Variants in CDK11B observed in about 807,000 individuals in gnomAD.
CDK11B encodes cyclin-dependent kinase 11B.
In CDK11B, 37 loss-of-function variants were observed where a neutral mutation model predicts 84.0. The ratio of observed to expected loss-of-function variants is 0.44; its 90% CI spans 0.34 to 0.58. CDK11B has a LOEUF of 0.58. CDK11B is among the 20% of genes least tolerant of loss of function. CDK11B has a pLI of 0.02. For missense variants in CDK11B, 427 were observed against 834.0 expected (o/e 0.51, Z 6.01); for synonymous variants, 269 against 309.8 (o/e 0.87, Z 1.38).
Position 1,649,624 on chromosome 1 carries a change from T to G in CDK11B, c.369A>C (p.Arg123Ser). 6.2e-7 allele frequency: 1 copy of G among 1,610,722 alleles called. No homozygotes were observed. The highest frequency in any genetic ancestry group is 1.7e-5 in the Admixed American group (1 of 59,996). Residue 123 changes from arginine (R) to serine (S), a missense_variant, in exon 5 of 20, where the codon AGA (arginine) becomes AGC (serine). Coordinates refer to ENST00000341832, the MANE Select transcript of CDK11B (RefSeq NM_033486.3). ...CGTGCTCTCTTTCTTTTTCTTTCAC[T>G]CTAGCATGCTTCCCTAATGAGAAAT... ...SHSAEGGKHA[R>S]VKEKEREHER...
intron 2 of CDK11B, among the ~76,000 whole-genome samples, 161 bp from the exon 3 acceptor site, chr1:1,655,645 C>G (rs773301629): frequency 6.6e-5 from 10 of 152,016 alleles, no homozygotes; most frequent in African/African-American, 2.4e-4. Flanking sequence ...AACTTTTGGC[C>G]GGGTGTGGTG....
chr1:1,654,601 C>T (rs1411471959), intron 3 of CDK11B, among the ~76,000 whole-genome samples: 1 of 149,012 alleles, frequency 6.7e-6, no homozygotes, highest in African/African-American at 2.5e-5. Context: ...CATTTCTCAT[C>T]AGCGGCCCTC....
intron 4 of CDK11B, among the ~76,000 whole-genome samples, chr1:1,650,383 GGA>G (rs1641828103): frequency 8.8e-6 from 1 of 113,774 alleles, no homozygotes; most frequent in South Asian, 2.7e-4. Flanking sequence ...TTTTTTTTTT[GGA>G]GATGGAGTCT....
chr1:1,648,413 C>T (rs1570161080), intron 5 of CDK11B, among the ~76,000 whole-genome samples: 2 of 152,176 alleles, frequency 1.3e-5, no homozygotes, highest in Admixed American at 6.5e-5. Flanking sequence ...GACCTTGACC[C>T]CTGGGCCTCA....
intron 6 of CDK11B, among the ~76,000 whole-genome samples, chr1:1,643,603 T>C (rs1640581751): frequency 6.8e-6 from 1 of 146,352 alleles, no homozygotes; most frequent in African/African-American, 2.7e-5. Context: ...GTGGAGAAAG[T>C]CAAGAAAATG....
At position 1,643,406 on chromosome 1, in the gene CDK11B, A is replaced by C. The variant is rs375564102; in HGVS notation, c.632-898T>G. ...GACCAGGAAGAATCACATCATGAGA[A>C]TCAAATGTCCATTTTTTTGACTAAG... On this transcript the variant is annotated intron_variant, in intron 6 of 19. Coordinates refer to ENST00000341832, the MANE Select transcript of CDK11B (RefSeq NM_033486.3). Among the ~76,000 whole-genome samples the C allele has an allele frequency of 9.9e-5, 15 of 151,300 alleles. No individual in the cohort carries two copies. The East Asian group carries it at 2.1e-3, about 21-fold the overall frequency.
chr1:1,655,542 T>C, intron 2 of CDK11B, 58 bp from the exon 3 acceptor site: 1 of 1,495,822 alleles, frequency 6.7e-7, no homozygotes, highest in Non-Finnish European at 9.0e-7. Flanking sequence ...TCTTCATAGA[T>C]AAAAGTATTT....
In CDK11B at chr1:1,649,581, G is replaced by A. The variant is rs1407417723; in HGVS notation, c.412C>T (p.Arg138Ter). 2.5e-6 allele frequency: 4 copies of A among 1,606,250 alleles called. No homozygotes were observed. The highest frequency in any genetic ancestry group is 3.4e-6 in the Non-Finnish European group (4 of 1,173,202). ...CGGCGAGCTTTATCCTGTTCTTCTC[G>A]ATGCCGTTTCCGACGTTCGTGCTCT... ...EREHERRKRH[R>*]EEQDKARREW... Residue 138 changes from arginine (R) to a stop codon, truncating the protein, a stop_gained, in exon 5 of 20, where the codon CGA (arginine) becomes TGA (stop). Transcript: ENST00000341832. LOFTEE classifies it high-confidence loss of function.
At chr1:1,654,051 A>G (rs910668058) in intron 3 of CDK11B, 21 of 429,814 alleles carry the variant, frequency 4.9e-5, no homozygotes, top group African/African-American at 3.9e-4. Context: ...ATAATCTCAA[A>G]GCGTCATTTA....
chr1:1,654,240 G>C (rs1235332917), intron 3 of CDK11B: 9 of 441,830 alleles, frequency 2.0e-5, no homozygotes, highest in Non-Finnish European at 3.2e-5. Flanking sequence ...CATGGCACAG[G>C]AAGAAACGTC....
intron 5 of CDK11B, among the ~76,000 whole-genome samples, chr1:1,648,562 GCTTTCTGTGGA>G (rs1335363115): frequency 2.0e-5 from 3 of 150,330 alleles, no homozygotes; most frequent in Non-Finnish European, 4.4e-5. Context: ...CAGCTTGCAA[GCTTTCTGTGGA>G]CTCACTCTGA....
At chr1:1,640,219 C>G in intron 11 of CDK11B, 58 bp downstream of exon 11, 1 of 1,594,898 alleles carries the variant, frequency 6.3e-7, no homozygotes, top group Non-Finnish European at 8.5e-7. Context: ...CGCTCAGCCC[C>G]TGTGGTAACT....
chr1:1,652,329 G>C (rs1427463344), intron 4 of CDK11B, 110 bp downstream of exon 4: 4 of 917,962 alleles, frequency 4.4e-6, no homozygotes, highest in African/African-American at 1.7e-5. Context: ...CTTTCAGCTA[G>C]AGTTTGCTTT....
At chr1:1,638,336 G>A (rs1172096676) in intron 12 of CDK11B, among the ~76,000 whole-genome samples, 164 bp downstream of exon 12, 1 of 152,170 alleles carries the variant, frequency 6.6e-6, no homozygotes, top group Admixed American at 6.6e-5. Context: ...CAAGGGAGTG[G>A]CAAAGCCCCA....
intron 6 of CDK11B, among the ~76,000 whole-genome samples, chr1:1,643,548 G>T (rs1178924428): frequency 6.8e-6 from 1 of 147,964 alleles, no homozygotes; most frequent in African/African-American, 2.7e-5. Context: ...AAAGACTTTA[G>T]GGAACTGTCT....
intron 5 of CDK11B, among the ~76,000 whole-genome samples, chr1:1,648,091 T>C (rs1416866943): frequency 1.3e-5 from 2 of 152,404 alleles, no homozygotes; most frequent in East Asian, 3.9e-4. Flanking sequence ...GCTGGCGTCA[T>C]GCGGTCCTCT....
intron 5 of CDK11B, 75 bp downstream of exon 5, chr1:1,649,424 T>G: frequency 8.5e-7 from 1 of 1,173,258 alleles, no homozygotes; most frequent in African/African-American, 1.5e-5. Flanking sequence ...TATTGCCAAA[T>G]TCTTCTTCAT....
chr1:1,637,107 G>A lies in CDK11B; in HGVS notation c.1666C>T (p.Leu556=), dbSNP rs1639453262. The change falls in exon 15 of 20, where the codon CTG becomes TTG. Residue 556 remains leucine (L), a synonymous_variant. Coordinates refer to ENST00000341832, the MANE Select transcript of CDK11B (RefSeq NM_033486.3). ...LHRDLKTSNL[L]LSHAGILKVG... Reference sequence around the variant, plus strand: ...TTGAGGATGCCGGCGTGGCTCAGCAGCAGGTTGGACGTCTTGAGGTCACGG... The same window carrying A: ...TTGAGGATGCCGGCGTGGCTCAGCAACAGGTTGGACGTCTTGAGGTCACGG... 6.2e-7 allele frequency: 1 copy of A among 1,613,582 alleles called. No individual in the cohort carries two copies. The highest frequency in any genetic ancestry group is 1.7e-5 in the Admixed American group (1 of 59,992).
Position 1,649,559 on chromosome 1 carries a change from C to A in CDK11B, c.434G>T (p.Arg145Leu), listed in dbSNP as rs1473878201. 1.6e-5 allele frequency: 25 copies of A among 1,604,388 alleles called. No individual in the cohort carries two copies. The highest frequency in any genetic ancestry group is 1.9e-5 in the Non-Finnish European group (22 of 1,171,452). The change falls in exon 5 of 20, where the codon CGC (arginine) becomes CTC (leucine). Residue 145 changes from arginine to leucine, a missense_variant. By Grantham distance (102) the Arg-to-Leu change is moderately radical. Coordinates refer to ENST00000341832, the MANE Select transcript of CDK11B (RefSeq NM_033486.3). Reference protein sequence around the residue: ...KRHREEQDKARREWERQKRRE... With the variant: ...KRHREEQDKALREWERQKRRE... The stretch of plus-strand genomic sequence containing the variant: ...TCTCTTCTGTCTTTCCCATTCCCGG[C>A]GAGCTTTATCCTGTTCTTCTCGATG...
Sources: allele counts gnomAD v4.1 joint callset (sites outside exome capture counted in the v4.1 genomes callset), GRCh38; gene constraint gnomAD v4.1.1; transcripts MANE v1.5; gene names NCBI Gene and HGNC (gene_info 2026-07-23, HGNC 2026-07-21).